The following ZBTB20 variants were observed in gnomAD, a reference collection of about 807,000 sequenced individuals.
The protein encoded by ZBTB20 is zinc finger and BTB domain containing 20.
ZBTB20 carries 9 observed loss-of-function variants against 56.9 expected under a neutral mutation model. That is an observed-to-expected ratio of 0.16 (90% CI 0.10 to 0.28). The LOEUF (loss-of-function observed/expected upper bound fraction) is 0.28. Ranked by LOEUF, ZBTB20 falls within the 10% of genes least tolerant of loss-of-function variation. The probability of loss-of-function intolerance (pLI) is 1.00; values close to 1 mark genes in which losing one functional copy is unlikely to be tolerated. For synonymous variants in ZBTB20, 417 were observed against 420.7 expected, an observed-to-expected ratio of 0.99 and a Z score of 0.11; for missense variants, 655 against 1,003.0, an observed-to-expected ratio of 0.65 and a Z score of 4.69.
chr3:114,476,625 C>T (rs1553724342), intron 7 of ZBTB20, among the ~76,000 whole-genome samples: 1 of 152,066 alleles, frequency 6.6e-6, no homozygotes, highest in Non-Finnish European at 1.5e-5. Flanking sequence ...CTATAATGAA[C>T]CCACTCTCAT....
At chr3:115,037,293 T>C (rs1303616146) in intron 2 of ZBTB20, among the ~76,000 whole-genome samples, 2 of 150,782 alleles carry the variant, frequency 1.3e-5, no homozygotes, top group Admixed American at 1.3e-4. Flanking sequence ...GGGGGCGGAG[T>C]GAGGAGGTGG....
chr3:114,426,019 T>A (rs1028060871), intron 7 of ZBTB20, among the ~76,000 whole-genome samples: 1 of 152,164 alleles, frequency 6.6e-6, no homozygotes, highest in African/African-American at 2.4e-5. Context: ...CAGCTCCTAA[T>A]CACATTGTAC....
At chr3:114,797,228 T>C (rs551743014) in intron 5 of ZBTB20, among the ~76,000 whole-genome samples, 2 of 151,750 alleles carry the variant, frequency 1.3e-5, no homozygotes, top group South Asian at 4.2e-4. Flanking sequence ...TTAAAAAATA[T>C]TTATTTTCCT....
chr3:114,703,161 T>C (rs1425088834), intron 5 of ZBTB20, among the ~76,000 whole-genome samples: 1 of 152,168 alleles, frequency 6.6e-6, no homozygotes, highest in Non-Finnish European at 1.5e-5. Flanking sequence ...GAAGCACCAA[T>C]TCATTCCTTA....
intron 6 of ZBTB20, among the ~76,000 whole-genome samples, chr3:114,531,277 C>T (rs1041864572): frequency 2.0e-5 from 3 of 152,108 alleles, no homozygotes; most frequent in Admixed American, 1.3e-4. Context: ...TCTTTCTTGT[C>T]CCTTATCTAA....
At chr3:114,431,699 A>G (rs1022745200) in intron 7 of ZBTB20, among the ~76,000 whole-genome samples, 1 of 152,178 alleles carries the variant, frequency 6.6e-6, no homozygotes, top group Admixed American at 6.5e-5. Flanking sequence ...CCCCAATATT[A>G]ATGACAAAAA....
intron 3 of ZBTB20, among the ~76,000 whole-genome samples, chr3:114,918,980 T>C (rs966737291): frequency 6.6e-6 from 1 of 152,192 alleles, no homozygotes; most frequent in African/African-American, 2.4e-5. Flanking sequence ...CCTTAAAGTT[T>C]ATTTAGGACC....
At chr3:115,084,350 T>G (rs1306097836) in intron 1 of ZBTB20, among the ~76,000 whole-genome samples, 3 of 149,668 alleles carry the variant, frequency 2.0e-5, no homozygotes, top group Admixed American at 6.7e-5. Flanking sequence ...ACAGAATTAG[T>G]GGTTGCCTGT....
chr3:115,107,410 A>G (rs1382195466), intron 1 of ZBTB20, among the ~76,000 whole-genome samples: 2 of 147,948 alleles, frequency 1.4e-5, no homozygotes, highest in African/African-American at 5.2e-5. Flanking sequence ...ACAGAGTGAG[A>G]CTGTGTCAAA....
At chr3:114,836,846 G>T (rs906092954) in intron 4 of ZBTB20, among the ~76,000 whole-genome samples, 1 of 152,154 alleles carries the variant, frequency 6.6e-6, no homozygotes, top group Non-Finnish European at 1.5e-5. Flanking sequence ...ATGCAGGAAA[G>T]ATGATATCAT....
intron 7 of ZBTB20, among the ~76,000 whole-genome samples, chr3:114,396,448 G>A (rs1420860361): frequency 6.6e-6 from 1 of 152,150 alleles, no homozygotes; most frequent in African/African-American, 2.4e-5. Flanking sequence ...CAGGCATTGA[G>A]CCTTTTCACA....
chr3:114,960,964 T>C (rs976109394), intron 3 of ZBTB20, among the ~76,000 whole-genome samples: 8 of 152,074 alleles, frequency 5.3e-5, no homozygotes, highest in African/African-American at 1.7e-4. Context: ...CAAGATCAAA[T>C]GCTCAGTGAG....
At chr3:114,574,794 A>G (rs953175776) in intron 6 of ZBTB20, among the ~76,000 whole-genome samples, 12 of 152,212 alleles carry the variant, frequency 7.9e-5, no homozygotes, top group African/African-American at 2.9e-4. Context: ...AGAACCTATG[A>G]CAGCTCCTGG....
intron 7 of ZBTB20, among the ~76,000 whole-genome samples, chr3:114,406,762 T>G (rs1364377196): frequency 1.3e-5 from 2 of 152,118 alleles, no homozygotes; most frequent in African/African-American, 2.4e-5. Context: ...TCCCTATATT[T>G]TTTCAAACTG....
At chr3:114,562,283 G>C (rs1316706944) in intron 6 of ZBTB20, among the ~76,000 whole-genome samples, 1 of 151,710 alleles carries the variant, frequency 6.6e-6, no homozygotes, top group African/African-American at 2.4e-5. Flanking sequence ...TCCTGCCTCA[G>C]CCTCCTGAGT....
chr3:114,865,208 A>G (rs142664457), intron 4 of ZBTB20, among the ~76,000 whole-genome samples: 26 of 152,120 alleles, frequency 1.7e-4, no homozygotes, highest in African/African-American at 6.0e-4. Flanking sequence ...TAGGGCTTCT[A>G]CCCCTCAACT....
chr3:114,664,283 T>A (rs948405566), intron 6 of ZBTB20, among the ~76,000 whole-genome samples: 1 of 152,060 alleles, frequency 6.6e-6, no homozygotes, highest in Non-Finnish European at 1.5e-5. Flanking sequence ...CACACAAACA[T>A]TGTAGTGAAC....
intron 5 of ZBTB20, among the ~76,000 whole-genome samples, chr3:114,695,867 A>T (rs987369248): frequency 2.6e-5 from 4 of 152,042 alleles, no homozygotes; most frequent in Non-Finnish European, 5.9e-5. Context: ...CCCTTAGAAA[A>T]ATGCATGTGG....
intron 2 of ZBTB20, among the ~76,000 whole-genome samples, chr3:115,044,239 G>C (rs748800969): frequency 6.6e-6 from 1 of 152,184 alleles, no homozygotes; most frequent in East Asian, 1.9e-4. Context: ...AATCACGTAA[G>C]ACTAAATGTT....
Sources: gnomAD v4.1 joint callset for allele counts (sites outside exome capture counted in the v4.1 genomes callset) on GRCh38, gnomAD v4.1.1 for gene constraint, MANE v1.5 for transcripts, NCBI Gene and HGNC (gene_info 2026-07-23, HGNC 2026-07-21) for gene names.